The following CDH12 variants were observed in gnomAD, a reference collection of about 807,000 sequenced individuals.
CDH12 encodes the protein cadherin 12.
A neutral mutation model predicts 74.1 loss-of-function variants in CDH12; 41 were observed. The ratio of observed to expected loss-of-function variants is 0.55; its 90% CI spans 0.43 to 0.72. CDH12 has a LOEUF of 0.72. Among genes scored for constraint, CDH12 ranks in the 30% least tolerant of loss-of-function variants. The probability of loss-of-function intolerance (pLI) is 0.00; values close to 1 mark genes in which losing one functional copy is unlikely to be tolerated. For missense variants in CDH12, 945 were observed against 977.2 expected, an observed-to-expected ratio of 0.97 and a Z score of 0.44; for synonymous variants, 399 against 355.0, an observed-to-expected ratio of 1.12 and a Z score of -1.39.
At chr5:22,626,222 G>A (rs1466987597) in intron 1 of CDH12, among the ~76,000 whole-genome samples, 1 of 152,170 alleles carries the variant, frequency 6.6e-6, no homozygotes, top group Non-Finnish European at 1.5e-5. Context: ...ATTCCTGCCA[G>A]TGCCCTGCCC....
At chr5:22,151,714 G>T (rs1747595331) in intron 4 of CDH12, 1 of 152,090 alleles carries the variant, frequency 6.6e-6, no homozygotes, top group East Asian at 1.9e-4. Flanking sequence ...AATATACAGA[G>T]AAGCAATGAT....
chr5:22,392,828 T>C (rs1343375664), intron 3 of CDH12, among the ~76,000 whole-genome samples: 2 of 152,132 alleles, frequency 1.3e-5, no homozygotes, highest in Non-Finnish European at 2.9e-5. Context: ...TAGAGTATAG[T>C]GGAGAGATTG....
At chr5:22,343,384 C>T (rs1367679422) in intron 3 of CDH12, among the ~76,000 whole-genome samples, 2 of 147,070 alleles carry the variant, frequency 1.4e-5, no homozygotes, top group Non-Finnish European at 1.5e-5. Context: ...AAAAGCTGTT[C>T]AAAGGAGAAA....
At chr5:21,818,076 A>G (rs1199025767) in intron 8 of CDH12, among the ~76,000 whole-genome samples, 1 of 152,044 alleles carries the variant, frequency 6.6e-6, no homozygotes, top group African/African-American at 2.4e-5. Flanking sequence ...GTTTAACAAC[A>G]GTCTGTTCAA....
intron 5 of CDH12, among the ~76,000 whole-genome samples, chr5:22,013,257 G>A (rs907890982): frequency 6.6e-6 from 1 of 152,054 alleles, no homozygotes; most frequent in Non-Finnish European, 1.5e-5. Flanking sequence ...GAGAAGTGCC[G>A]AGCAAAGCAG....
chr5:21,778,466 C>CAAAAAAA (rs70957061), intron 11 of CDH12, among the ~76,000 whole-genome samples: 7 of 52,604 alleles, frequency 1.3e-4, no homozygotes, highest in African/African-American at 1.7e-4. Context: ...GCATATAAGC[C>CAAAAAAA]AAAAAAAAAA....
intron 14 of CDH12, 70 bp downstream of exon 14, chr5:21,755,521 G>T: frequency 7.3e-7 from 1 of 1,361,154 alleles, no homozygotes. Context: ...GAGAGAGATG[G>T]AGGAGAGAGA....
At chr5:22,356,850 C>T (rs888955284) in intron 3 of CDH12, among the ~76,000 whole-genome samples, 4 of 152,034 alleles carry the variant, frequency 2.6e-5, no homozygotes, top group Non-Finnish European at 4.4e-5. Flanking sequence ...GCGTATGTGT[C>T]AACTGATGGT....
At chr5:22,229,508 A>T (rs1490180945) in intron 3 of CDH12, among the ~76,000 whole-genome samples, 6 of 152,116 alleles carry the variant, frequency 3.9e-5, no homozygotes, top group Admixed American at 6.6e-5. Flanking sequence ...CACAAAAGTA[A>T]ATTCAAATCA....
At chr5:22,404,391 G>A (rs1367954687) in intron 3 of CDH12, among the ~76,000 whole-genome samples, 2 of 151,966 alleles carry the variant, frequency 1.3e-5, no homozygotes, top group African/African-American at 4.8e-5. Flanking sequence ...ATTCACTTTA[G>A]TGATACAAAA....
At chr5:22,786,931 G>T (rs1251942281) in intron 1 of CDH12, among the ~76,000 whole-genome samples, 1 of 151,946 alleles carries the variant, frequency 6.6e-6, no homozygotes, top group Admixed American at 6.6e-5. Flanking sequence ...TGTTGGCCAG[G>T]CTGGTCTCGA....
chr5:21,772,144 T>G (rs1468479494), intron 11 of CDH12, among the ~76,000 whole-genome samples: 1 of 152,222 alleles, frequency 6.6e-6, no homozygotes, highest in Non-Finnish European at 1.5e-5. Flanking sequence ...ATTTTATTTT[T>G]GGTTTACACT....
intron 10 of CDH12, among the ~76,000 whole-genome samples, chr5:21,787,923 T>G (rs1301038567): frequency 6.6e-6 from 1 of 152,336 alleles, no homozygotes; most frequent in East Asian, 1.9e-4. Flanking sequence ...CTCATTTAAC[T>G]TGCCATATGC....
intron 1 of CDH12, among the ~76,000 whole-genome samples, chr5:22,682,897 A>G (rs1309787614): frequency 6.6e-6 from 1 of 152,154 alleles, no homozygotes; most frequent in Non-Finnish European, 1.5e-5. Flanking sequence ...GTTAAGAAGA[A>G]AAATTCACAG....
At chr5:22,690,310 AGT>A (rs1333501115) in intron 1 of CDH12, among the ~76,000 whole-genome samples, 1 of 152,164 alleles carries the variant, frequency 6.6e-6, no homozygotes, top group Non-Finnish European at 1.5e-5. Flanking sequence ...GGGAATTTTA[AGT>A]GATCTTCAAC....
intron 8 of CDH12, among the ~76,000 whole-genome samples, chr5:21,827,791 T>C (rs1432248989): frequency 6.6e-6 from 1 of 152,182 alleles, no homozygotes; most frequent in African/African-American, 2.4e-5. Context: ...AAGTGATTTA[T>C]ATAATCACTA....
chr5:22,171,004 G>T (rs1580353972), intron 4 of CDH12, among the ~76,000 whole-genome samples: 1 of 151,768 alleles, frequency 6.6e-6, no homozygotes. Context: ...GCTGTCAGAG[G>T]TCCACAAATA....
chr5:22,529,560 G>T (rs757779424), intron 1 of CDH12, among the ~76,000 whole-genome samples: 4 of 152,012 alleles, frequency 2.6e-5, no homozygotes, highest in Non-Finnish European at 4.4e-5. Flanking sequence ...ATTGGATGAG[G>T]CCCACTCACA....
chr5:22,831,639 G>A (rs1736617041), intron 1 of CDH12, among the ~76,000 whole-genome samples: 2 of 152,176 alleles, frequency 1.3e-5, no homozygotes, highest in South Asian at 2.1e-4. Context: ...GGTCACACCT[G>A]TAATCCCAGC....
Sources: allele counts gnomAD v4.1 joint callset (sites outside exome capture counted in the v4.1 genomes callset), GRCh38; gene constraint gnomAD v4.1.1; transcripts MANE v1.5; gene names NCBI Gene and HGNC (gene_info 2026-07-23, HGNC 2026-07-21).